Variants in ZFYVE16 observed in about 807,000 individuals in gnomAD.
The protein encoded by ZFYVE16 is zinc finger FYVE domain-containing protein 16.
Under a neutral mutation model 138.1 loss-of-function variants are expected in ZFYVE16, and 89 were observed. The observed-to-expected ratio is 0.64, with a 90% CI of 0.54 to 0.77. ZFYVE16 has a LOEUF of 0.77. ZFYVE16 is among the 30% of genes least tolerant of loss of function. The pLI is 0.00. For missense variants in ZFYVE16, 1,793 were observed against 1,786.7 expected, an observed-to-expected ratio of 1.00 and a Z score of -0.06; for synonymous variants, 596 against 618.3, an observed-to-expected ratio of 0.96 and a Z score of 0.53.
At chr5:80,446,523 A>T (rs960899362) in intron 7 of ZFYVE16, among the ~76,000 whole-genome samples, 2 of 152,098 alleles carry the variant, frequency 1.3e-5, no homozygotes, top group Non-Finnish European at 2.9e-5. Context: ...ATATTCTCAC[A>T]TCTGGTTCTA....
At chr5:80,474,963 A>C (rs1754751997) in intron 18 of ZFYVE16, 133 bp downstream of exon 18, 6 of 946,782 alleles carry the variant, frequency 6.3e-6, no homozygotes, top group Non-Finnish European at 9.1e-6. Flanking sequence ...CACACTTCAC[A>C]TATATTATCT....
intron 1 of ZFYVE16, among the ~76,000 whole-genome samples, chr5:80,408,820 G>A (rs1745012159): frequency 6.6e-6 from 1 of 152,210 alleles, no homozygotes; most frequent in African/African-American, 2.4e-5. Flanking sequence ...ATGAAAACCA[G>A]TCCATACATT....
At position 80,451,691 on chromosome 5, in the gene ZFYVE16, T is replaced by C; in HGVS notation, c.3589T>C (p.Leu1197=). ...KVFPMRLMLR[L]GAEYKAYPAP... is the part of the protein sequence containing the mutation. The stretch of plus-strand genomic sequence containing the variant: ...TTTTCCTATGCGTTTAATGTTGAGA[T>C]TGGGTGCAGAATATAAAGGTAAGTT... Residue 1197 remains leucine (L), a synonymous_variant, in exon 11 of 19, where the codon TTG becomes CTG. Transcript: ENST00000505560. 6.2e-7 allele frequency: 1 copy of C among 1,613,620 alleles called. No individual in the cohort carries two copies. Among genetic ancestry groups the C allele is most frequent in the Non-Finnish European group, 8.5e-7 (1 of 1,179,838 alleles).
At chr5:80,461,870 G>T (rs1194746278) in intron 15 of ZFYVE16, among the ~76,000 whole-genome samples, 2 of 152,148 alleles carry the variant, frequency 1.3e-5, no homozygotes, top group Non-Finnish European at 2.9e-5. Context: ...TACTCGGGAG[G>T]CTGAGTCAAG....
At chr5:80,428,510 A>G (rs1748483621) in intron 2 of ZFYVE16, among the ~76,000 whole-genome samples, 1 of 152,194 alleles carries the variant, frequency 6.6e-6, no homozygotes, top group South Asian at 2.1e-4. Context: ...TGGGGAAAAA[A>G]CAGAGCAGAA....
chr5:80,441,415 T>C (rs1561283703), intron 5 of ZFYVE16: 1 of 985,264 alleles, frequency 1.0e-6, no homozygotes, highest in Non-Finnish European at 1.2e-6. Context: ...AAATTCTATT[T>C]TGATGTCTTA....
At chr5:80,440,398 A>G (rs1453009737) in intron 5 of ZFYVE16, 1 of 990,884 alleles carries the variant, frequency 1.0e-6, no homozygotes, top group Non-Finnish European at 1.2e-6. Flanking sequence ...ACTCAATATT[A>G]TGTATTAATA....
chr5:80,461,136 G>GA lies in ZFYVE16; in HGVS notation c.4024+1644dup, dbSNP rs1753063298. Among the ~76,000 whole-genome samples the GA allele has an allele frequency of 5.3e-5, 8 of 152,292 alleles. No individual in the cohort carries two copies. In the South Asian group the frequency reaches 1.7e-3, roughly 32 times the overall value. On this transcript the variant is annotated intron_variant, in intron 15 of 18. Coordinates refer to ENST00000505560, the MANE Select transcript of ZFYVE16 (RefSeq NM_001284236.3). The stretch of plus-strand genomic sequence containing the variant: ...TTGAGCGCCGACATGACACTCTATA[G>GA]AAGTGCTCATTAGAGCATTTCAGAT...
At chr5:80,463,321 C>T (rs536040868) in intron 15 of ZFYVE16, among the ~76,000 whole-genome samples, 21 of 152,296 alleles carry the variant, frequency 1.4e-4, no homozygotes, top group Middle Eastern at 3.4e-3. Context: ...CACCTGTAGG[C>T]GCAACACCAC....
rs758227419 is a variant in ZFYVE16, at chr5:80,437,698, T to A, written c.1013T>A (p.Ile338Lys). Residue 338 changes from isoleucine (I) to lysine (K), a missense_variant, in exon 4 of 19, where the codon ATA becomes AAA. Coordinates refer to ENST00000505560, the MANE Select transcript of ZFYVE16 (RefSeq NM_001284236.3). ...DFSFQEDKTV[I>K]KQSAQEDSKS... ...TCCTTTCAGGAAGATAAGACTGTTA[T>A]AAAACAATCTGCACAAGAAGACTCA... is the stretch of plus-strand genomic sequence containing the variant. 1 of 1,613,810 alleles carries A rather than the reference T, an allele frequency of 6.2e-7. No homozygotes were observed. Among genetic ancestry groups the A allele is most frequent in the Non-Finnish European group, 8.5e-7 (1 of 1,179,886 alleles).
At chr5:80,435,031 T>TTTTG (rs558690255) in intron 3 of ZFYVE16, among the ~76,000 whole-genome samples, 7 of 151,662 alleles carry the variant, frequency 4.6e-5, no homozygotes, top group African/African-American at 1.2e-4. Flanking sequence ...CTGGCTAATT[T>TTTTG]TTTGTTTGTT....
chr5:80,439,935 G>T lies in ZFYVE16; in HGVS notation c.2323-1G>T. On this transcript the variant is annotated splice_acceptor_variant, in intron 4 of 18. Transcript: ENST00000505560. LOFTEE classifies it high-confidence loss of function. Reference sequence around the variant, plus strand: ...CAAATTTGATATTTTATTCTTTATAGGTATTTTGTGGTGTCTGTTGTAATA... The same window carrying T: ...CAAATTTGATATTTTATTCTTTATATGTATTTTGTGGTGTCTGTTGTAATA... 1 of 1,602,614 alleles carries T rather than the reference G, an allele frequency of 6.2e-7. No individual in the cohort carries two copies. Among genetic ancestry groups the T allele is most frequent in the Non-Finnish European group, 8.5e-7 (1 of 1,174,244 alleles).
At chr5:80,411,413 A>G (rs1745441709) in intron 1 of ZFYVE16, among the ~76,000 whole-genome samples, 1 of 152,160 alleles carries the variant, frequency 6.6e-6, no homozygotes, top group South Asian at 2.1e-4. Flanking sequence ...ATATTTTTTT[A>G]CTATGCATTT....
In ZFYVE16 at chr5:80,460,693, A is replaced by G. The variant is rs577165693; in HGVS notation, c.4024+1199A>G. 7.9e-5 allele frequency among the ~76,000 whole-genome samples: 12 copies of G among 152,264 alleles called. No individual in the cohort carries two copies. In the South Asian group the frequency reaches 1.4e-3, roughly 18 times the overall value. ...GGTAATTGTTAATGCTATCTCTGTC[A>G]CATAGCATGTTTTATTTGCACAAGA... On this transcript the variant is annotated intron_variant, in intron 15 of 18. Transcript: ENST00000505560.
At chr5:80,418,224 C>G (rs1232816840) in intron 1 of ZFYVE16, among the ~76,000 whole-genome samples, 1 of 150,454 alleles carries the variant, frequency 6.6e-6, no homozygotes, top group Non-Finnish European at 1.5e-5. Context: ...CTCCTCTCCT[C>G]TCTCCTTTCT....
Position 80,480,279 on chromosome 5 carries a change from G to T in ZFYVE16, c.*2902G>T, listed in dbSNP as rs371303610. On this transcript the variant is annotated 3_prime_UTR_variant, in exon 19 of 19. Coordinates refer to ENST00000505560, the MANE Select transcript of ZFYVE16 (RefSeq NM_001284236.3). ...AAAGTTGTGGAGCTAATCTGGAAAA[G>T]AACTGAATATAAACATTACAAGAAT... is the stretch of plus-strand genomic sequence containing the variant. Among the ~76,000 whole-genome samples, 2 of 152,126 alleles carry T rather than the reference G, an allele frequency of 1.3e-5. No homozygotes were observed. The highest frequency in any genetic ancestry group is 2.4e-5 in the African/African-American group (1 of 41,420).
rs757032005 is a variant in ZFYVE16 at position 80,437,837 on chromosome 5, G to T, written c.1152G>T (p.Met384Ile). Residue 384 changes from methionine to isoleucine, a missense_variant, in exon 4 of 19, where the codon ATG becomes ATT. Physicochemically the swap from Met to Ile is conservative, Grantham distance 10. This residue lies in a region of ZFYVE16 where 1,295 missense variants were observed against 1,204.3 expected (regional missense o/e 1.08). Transcript: ENST00000505560. ...SLSCLPASGS[M>I]CGSLIESKAR... ...CCTGTCTTCCTGCGTCTGGGTCTATGTGTGGATCATTAATTGAAAGTAAAG... is the reference window on the plus strand; with the variant it reads ...CCTGTCTTCCTGCGTCTGGGTCTATTTGTGGATCATTAATTGAAAGTAAAG... The T allele has an allele frequency of 1.2e-6, 2 of 1,614,078 alleles. No individual in the cohort carries two copies. The highest frequency in any genetic ancestry group is 3.3e-5 in the Admixed American group (2 of 60,008).
intron 3 of ZFYVE16, among the ~76,000 whole-genome samples, chr5:80,435,518 C>T (rs1036761601): frequency 2.0e-5 from 3 of 152,160 alleles, no homozygotes; most frequent in African/African-American, 7.2e-5. Context: ...AAAACAAAGA[C>T]GTTGGATTGT....
At chr5:80,458,576 A>T (rs895160276) in intron 14 of ZFYVE16, among the ~76,000 whole-genome samples, 3 of 152,166 alleles carry the variant, frequency 2.0e-5, no homozygotes, top group African/African-American at 7.2e-5. Flanking sequence ...ACAGAACTTT[A>T]CATTTTATAT....
Sources: gnomAD v4.1 joint callset for allele counts (sites outside exome capture counted in the v4.1 genomes callset) on GRCh38, gnomAD v4.1.1 for gene constraint, gnomAD v4.1.1 regional missense constraint, MANE v1.5 for transcripts, NCBI Gene and HGNC (gene_info 2026-07-23, HGNC 2026-07-21) for gene names.